Variants in AGPS observed in about 807,000 individuals in gnomAD.
The protein encoded by AGPS is alkyldihydroxyacetonephosphate synthase, peroxisomal.
Under a neutral mutation model 90.7 loss-of-function variants are expected in AGPS, and 26 were observed. The observed-to-expected ratio is 0.29, with a 90% CI of 0.21 to 0.40. The LOEUF (loss-of-function observed/expected upper bound fraction) is 0.40, where lower values mean the gene tolerates loss of function less well. Ranked by LOEUF, AGPS falls within the 10% of genes least tolerant of loss-of-function variation. The pLI is 1.00. For synonymous variants in AGPS, 294 were observed against 285.3 expected, an observed-to-expected ratio of 1.03 and a Z score of -0.31; for missense variants, 540 against 816.1, an observed-to-expected ratio of 0.66 and a Z score of 4.12.
intron 1 of AGPS, among the ~76,000 whole-genome samples, chr2:177,401,604 G>C (rs1296772913): frequency 6.6e-6 from 1 of 151,890 alleles, no homozygotes; most frequent in Non-Finnish European, 1.5e-5. Context: ...GTGTGCAGTG[G>C]CACGATCTCG....
intron 10 of AGPS, among the ~76,000 whole-genome samples, chr2:177,476,525 A>G (rs189612309): frequency 2.6e-5 from 4 of 152,230 alleles, no homozygotes; most frequent in Admixed American, 2.6e-4. Context: ...GCTTGAGAAC[A>G]TACTTTGTAT....
Position 177,542,274 on chromosome 2 carries a change from C to T in AGPS, c.*4079C>T, listed in dbSNP as rs1020555001. 3 of 151,962 alleles carry T rather than the reference C, an allele frequency of 2.0e-5. No individual in the cohort carries two copies. Among genetic ancestry groups the T allele is most frequent in the African/African-American group, 7.3e-5 (3 of 41,358 alleles). 9.4% of individuals were successfully genotyped at this position (151,962 alleles called of 1,614,324 possible). Reference sequence around the variant, plus strand: ...TATTGTTAGCTAGGTTTTGTCAATCCCTAATCATTTTTTAAAATCAATGCT... The same window carrying T: ...TATTGTTAGCTAGGTTTTGTCAATCTCTAATCATTTTTTAAAATCAATGCT... On this transcript the variant is annotated 3_prime_UTR_variant, in exon 20 of 20. Coordinates refer to ENST00000264167, the MANE Select transcript of AGPS (RefSeq NM_003659.4).
chr2:177,457,049 C>T (rs186570915), intron 8 of AGPS, among the ~76,000 whole-genome samples: 144 of 152,250 alleles, frequency 9.5e-4, no homozygotes, highest in African/African-American at 3.0e-3. Flanking sequence ...CACTCAAAAC[C>T]GCACAACTAC....
intron 17 of AGPS, among the ~76,000 whole-genome samples, chr2:177,519,200 C>T (rs1471782111): frequency 6.6e-6 from 1 of 152,246 alleles, no homozygotes; most frequent in Middle Eastern, 3.4e-3. Context: ...GGTTCCTCTA[C>T]TCATGGATGT....
At chr2:177,465,877 G>A (rs956097957) in intron 9 of AGPS, among the ~76,000 whole-genome samples, 2 of 152,256 alleles carry the variant, frequency 1.3e-5, no homozygotes, top group Non-Finnish European at 2.9e-5. Context: ...AACAAGGGGT[G>A]TGTTTCAGCC....
chr2:177,496,415 A>G lies in AGPS; in HGVS notation c.1286-1274A>G, dbSNP rs182347323. Reference sequence around the variant, plus strand: ...AATGTTTTGATGATACGTTATTTCTATCTTTATAGATATTAGAAATTGTCT... The same window carrying G: ...AATGTTTTGATGATACGTTATTTCTGTCTTTATAGATATTAGAAATTGTCT... On this transcript the variant is annotated intron_variant, in intron 12 of 19. Coordinates refer to ENST00000264167, the MANE Select transcript of AGPS (RefSeq NM_003659.4). Among the ~76,000 whole-genome samples, 307 of 152,282 alleles carry G rather than the reference A, an allele frequency of 2.0e-3. 1 individual carries two copies. Among genetic ancestry groups the G allele is most frequent in the Middle Eastern group, 0.01 (3 of 294 alleles).
chr2:177,514,994 A>T (rs1488695278), intron 17 of AGPS, among the ~76,000 whole-genome samples: 2 of 151,134 alleles, frequency 1.3e-5, no homozygotes, highest in Non-Finnish European at 2.9e-5. Flanking sequence ...AGGATCAGAG[A>T]TTATAAAAGC....
Position 177,538,221 on chromosome 2 carries a change from T to G in AGPS, c.*26T>G, listed in dbSNP as rs541733709. 94 of 1,609,080 alleles carry G rather than the reference T, an allele frequency of 5.8e-5. 2 individuals are homozygous for G. The South Asian group carries it at 8.8e-4, about 15-fold the overall frequency. On this transcript the variant is annotated 3_prime_UTR_variant, in exon 20 of 20. Transcript: ENST00000264167. ...ATCCATTAGTACCATTACAAAAAAA[T>G]GTCAATTTTTTTTTTAAGTTTTCAA...
At chr2:177,471,379 T>C (rs1237116121) in intron 10 of AGPS, among the ~76,000 whole-genome samples, 1 of 152,176 alleles carries the variant, frequency 6.6e-6, no homozygotes, top group Non-Finnish European at 1.5e-5. Flanking sequence ...AAGTTTAATG[T>C]GTTTGTCTTG....
rs1559048949 is a variant in AGPS at position 177,444,437 on chromosome 2, A to AAAAG, written c.790-1097_790-1094dup. Among the ~76,000 whole-genome samples, 8 of 149,896 alleles carry AAAAG rather than the reference A, an allele frequency of 5.3e-5. No individual in the cohort carries two copies. The South Asian group carries it at 6.3e-4, about 12-fold the overall frequency. On this transcript the variant is annotated intron_variant, in intron 7 of 19. Transcript: ENST00000264167. Reference sequence around the variant, plus strand: ...CTCTGTCTCAAAAAAAAAAAAAAAAAAAAGAAAGAAAGAAATTACTACTGT... The same window carrying AAAAG: ...CTCTGTCTCAAAAAAAAAAAAAAAAAAAAGAAAGAAAGAAAGAAATTACTACTGT...
intron 8 of AGPS, among the ~76,000 whole-genome samples, chr2:177,448,445 A>C (rs919983210): frequency 1.3e-5 from 2 of 152,172 alleles, no homozygotes; most frequent in African/African-American, 4.8e-5. Context: ...TGCTGAACTG[A>C]TATAGCCACT....
At chr2:177,483,610 A>T (rs1369420169) in intron 11 of AGPS, among the ~76,000 whole-genome samples, 2 of 152,138 alleles carry the variant, frequency 1.3e-5, no homozygotes, top group African/African-American at 4.8e-5. Context: ...GGCAGAAGTG[A>T]TTAGTAACAG....
At chr2:177,426,308 T>G (rs2105616498) in intron 2 of AGPS, among the ~76,000 whole-genome samples, 1 of 152,296 alleles carries the variant, frequency 6.6e-6, no homozygotes, top group East Asian at 1.9e-4. Flanking sequence ...ATGGTGGGGT[T>G]TTCTAGATAC....
At chr2:177,516,019 A>G (rs1332008960) in intron 17 of AGPS, among the ~76,000 whole-genome samples, 3 of 152,234 alleles carry the variant, frequency 2.0e-5, no homozygotes, top group South Asian at 2.1e-4. Flanking sequence ...ATCAGGTGCT[A>G]TGCTCACTAC....
chr2:177,420,155 A>G (rs917628838), intron 1 of AGPS, 114 bp from the exon 2 acceptor site: 21 of 707,832 alleles, frequency 3.0e-5, no homozygotes, highest in South Asian at 5.0e-5. Flanking sequence ...ACCTTATACA[A>G]TATTTGTGGG....
At chr2:177,414,270 A>T (rs917699971) in intron 1 of AGPS, among the ~76,000 whole-genome samples, 1 of 152,036 alleles carries the variant, frequency 6.6e-6, no homozygotes, top group Admixed American at 6.5e-5. Context: ...GTGCAGTGGC[A>T]ATCATGGCTC....
At chr2:177,537,636 GATAT>G (rs2079195513) in intron 19 of AGPS, among the ~76,000 whole-genome samples, 2 of 151,968 alleles carry the variant, frequency 1.3e-5, no homozygotes, top group Admixed American at 1.3e-4. Context: ...ATATTTTAAG[GATAT>G]ATATCCTGTC....
At chr2:177,462,407 A>AAG (rs1687323395) in intron 9 of AGPS, among the ~76,000 whole-genome samples, 1 of 147,494 alleles carries the variant, frequency 6.8e-6, no homozygotes, top group African/African-American at 2.5e-5. Flanking sequence ...AAAAAAAAAG[A>AAG]AAAAAGAAAA....
chr2:177,405,139 G>A (rs1685430508), intron 1 of AGPS, among the ~76,000 whole-genome samples: 1 of 152,176 alleles, frequency 6.6e-6, no homozygotes, highest in Admixed American at 6.5e-5. Context: ...TTCTCTAAGT[G>A]GATCAGCTTT....
Sources: gnomAD v4.1 joint callset for allele counts (sites outside exome capture counted in the v4.1 genomes callset) on GRCh38, gnomAD v4.1.1 for gene constraint, MANE v1.5 for transcripts, NCBI Gene and HGNC (gene_info 2026-07-23, HGNC 2026-07-21) for gene names.